GFRA1: variants seen among roughly 807,000 people sequenced by gnomAD.
GFRA1 encodes the protein GDNF family receptor alpha 1, also known as GDNF family receptor alpha-1.
Under a neutral mutation model 51.6 loss-of-function variants are expected in GFRA1, and 16 were observed. That is an observed-to-expected ratio of 0.31 (90% CI 0.21 to 0.47). The LOEUF is 0.47. Ranked by LOEUF, GFRA1 falls within the 20% of genes least tolerant of loss-of-function variation. The pLI, the probability that GFRA1 is intolerant of heterozygous loss-of-function variation, is 1.00. For synonymous variants in GFRA1, 270 were observed against 241.3 expected, an observed-to-expected ratio of 1.12 and a Z score of -1.10; for missense variants, 530 against 594.3, an observed-to-expected ratio of 0.89 and a Z score of 1.13.
chr10:116,183,981 C>T (rs868770163), intron 5 of GFRA1, among the ~76,000 whole-genome samples: 10 of 152,366 alleles, frequency 6.6e-5, no homozygotes, highest in Middle Eastern at 6.8e-3. Flanking sequence ...CGGCCAGCTA[C>T]CCTGCACAGC....
intron 5 of GFRA1, among the ~76,000 whole-genome samples, chr10:116,140,595 G>A (rs181376751): frequency 1.3e-5 from 2 of 152,068 alleles, no homozygotes; most frequent in East Asian, 3.9e-4. Flanking sequence ...TTCACAGAAA[G>A]CCAAAATTCT....
intron 5 of GFRA1, among the ~76,000 whole-genome samples, chr10:116,131,214 G>A (rs1299433736): frequency 6.6e-6 from 1 of 152,134 alleles, no homozygotes; most frequent in East Asian, 1.9e-4. Context: ...ACCACAATGA[G>A]ATACACTCTA....
chr10:116,206,782 G>A (rs551291758), intron 5 of GFRA1, among the ~76,000 whole-genome samples: 1,528 of 151,370 alleles, frequency 0.01, 30 homozygotes, highest in African/African-American at 0.035. Context: ...ACAGGCGCCT[G>A]CCACGACGCC....
chr10:116,256,208 T>G (rs1331618617), intron 4 of GFRA1, among the ~76,000 whole-genome samples: 1 of 152,184 alleles, frequency 6.6e-6, no homozygotes, highest in Admixed American at 6.5e-5. Context: ...TCACAGCTAC[T>G]AAGTGCTGGA....
chr10:116,217,535 A>G (rs1431347653), intron 4 of GFRA1, among the ~76,000 whole-genome samples: 1 of 152,246 alleles, frequency 6.6e-6, no homozygotes, highest in Non-Finnish European at 1.5e-5. Context: ...TATCTTGCAG[A>G]ATGCCTAGGA....
chr10:116,207,739 T>A (rs988092167), intron 5 of GFRA1, among the ~76,000 whole-genome samples: 1 of 152,162 alleles, frequency 6.6e-6, no homozygotes, highest in Non-Finnish European at 1.5e-5. Context: ...TTGATGAGCA[T>A]AATTTGCCAG....
intron 4 of GFRA1, among the ~76,000 whole-genome samples, chr10:116,243,139 C>T (rs1967540452): frequency 6.6e-6 from 1 of 152,078 alleles, no homozygotes; most frequent in Non-Finnish European, 1.5e-5. Flanking sequence ...TGAATATATT[C>T]TCCAGCTATA....
intron 6 of GFRA1, among the ~76,000 whole-genome samples, chr10:116,106,802 G>T (rs1039176222): frequency 2.0e-5 from 3 of 152,170 alleles, no homozygotes; most frequent in Non-Finnish European, 2.9e-5. Flanking sequence ...TGGAGGTGGG[G>T]CCTGGTGGGA....
chr10:116,243,647 A>T (rs1967600713), intron 4 of GFRA1, among the ~76,000 whole-genome samples: 1 of 151,914 alleles, frequency 6.6e-6, no homozygotes, highest in East Asian at 1.9e-4. Flanking sequence ...ATTTAAAATC[A>T]CCTAGGAGCT....
chr10:116,149,151 C>A (rs1958957837), intron 5 of GFRA1, among the ~76,000 whole-genome samples: 1 of 152,036 alleles, frequency 6.6e-6, no homozygotes. Context: ...GATGTTATAG[C>A]CAATTATTGA....
chr10:116,109,568 C>A (rs1011154952), intron 6 of GFRA1, among the ~76,000 whole-genome samples: 1 of 152,332 alleles, frequency 6.6e-6, no homozygotes, highest in African/African-American at 2.4e-5. Context: ...ACCCCTTCCC[C>A]GGGCTGTGTT....
intron 9 of GFRA1, among the ~76,000 whole-genome samples, chr10:116,088,793 C>T (rs887157047): frequency 3.2e-4 from 49 of 151,748 alleles, no homozygotes; most frequent in African/African-American, 1.1e-3. Context: ...TGGTGGTGGG[C>T]GCCTGTAGTC....
chr10:116,177,116 A>G (rs371981657), intron 5 of GFRA1, among the ~76,000 whole-genome samples: 4 of 152,042 alleles, frequency 2.6e-5, no homozygotes, highest in East Asian at 2.0e-4. Context: ...GTGAGGCTGA[A>G]AAGAAAGGTG....
At chr10:116,082,260 T>C (rs1402305806) in intron 9 of GFRA1, among the ~76,000 whole-genome samples, 4 of 152,170 alleles carry the variant, frequency 2.6e-5, no homozygotes, top group African/African-American at 9.6e-5. Context: ...GTAAGTCAGA[T>C]GAAGCTCCCA....
At chr10:116,136,416 G>A (rs558848123) in intron 5 of GFRA1, among the ~76,000 whole-genome samples, 36 of 152,214 alleles carry the variant, frequency 2.4e-4, no homozygotes, top group African/African-American at 4.3e-4. Flanking sequence ...CTTTAAAACC[G>A]ACGCTGCTTC....
intron 5 of GFRA1, among the ~76,000 whole-genome samples, chr10:116,137,030 A>T (rs769006486): frequency 5.3e-5 from 8 of 152,180 alleles, no homozygotes; most frequent in Admixed American, 6.5e-5. Flanking sequence ...GACTACTTTG[A>T]AGGAGAATAT....
intron 9 of GFRA1, among the ~76,000 whole-genome samples, chr10:116,078,983 A>G (rs976502413): frequency 6.6e-6 from 1 of 152,090 alleles, no homozygotes; most frequent in Non-Finnish European, 1.5e-5. Context: ...ATGTGTGAGA[A>G]GCCTGACCAT....
intron 4 of GFRA1, among the ~76,000 whole-genome samples, chr10:116,241,388 A>G (rs374492322): frequency 2.0e-5 from 3 of 152,266 alleles, no homozygotes; most frequent in African/African-American, 4.8e-5. Flanking sequence ...CAACCACACA[A>G]CTTCACAGTT....
intron 5 of GFRA1, among the ~76,000 whole-genome samples, chr10:116,153,753 T>C (rs1401641008): frequency 1.3e-5 from 2 of 152,164 alleles, no homozygotes; most frequent in East Asian, 3.9e-4. Context: ...TTGGACTGCA[T>C]TAAGTAAACT....
Sources: gnomAD v4.1 joint callset for allele counts (sites outside exome capture counted in the v4.1 genomes callset) on GRCh38, gnomAD v4.1.1 for gene constraint, MANE v1.5 for transcripts, NCBI Gene and HGNC (gene_info 2026-07-23, HGNC 2026-07-21) for gene names.